Variants in PDE10A observed in about 807,000 individuals in gnomAD.
PDE10A encodes the protein cAMP and cAMP-inhibited cGMP 3',5'-cyclic phosphodiesterase 10A.
Under a neutral mutation model 97.7 loss-of-function variants are expected in PDE10A, and 39 were observed. The observed-to-expected ratio is 0.40, with a 90% confidence interval of 0.31 to 0.52. PDE10A has a LOEUF of 0.52. Among genes scored for constraint, PDE10A ranks in the 20% least tolerant of loss-of-function variants. PDE10A has a pLI of 0.56. For missense variants in PDE10A, 731 were observed against 1,047.8 expected (o/e 0.70, Z 4.17); for synonymous variants, 371 against 376.8 (o/e 0.98, Z 0.18).
chr6:165,544,566 G>A (rs1186567021), intron 1 of PDE10A, among the ~76,000 whole-genome samples: 2 of 119,936 alleles, frequency 1.7e-5, no homozygotes, highest in African/African-American at 9.0e-5. Flanking sequence ...TTTTAGGGAT[G>A]GTTAGGTTAA....
intron 1 of PDE10A, among the ~76,000 whole-genome samples, chr6:165,980,837 C>T (rs1784992726): frequency 6.6e-6 from 1 of 152,036 alleles, no homozygotes; most frequent in Non-Finnish European, 1.5e-5. Context: ...TTGTATTCAT[C>T]AAGGAAGGAA....
At chr6:165,666,102 C>T (rs759764023), upstream of PDE10A, among the ~76,000 whole-genome samples, 16 of 152,096 alleles carry the variant, frequency 1.1e-4, no homozygotes, top group Non-Finnish European at 2.1e-4. Flanking sequence ...ATAATTTAGC[C>T]ATGCACCCAT....
At chr6:165,504,476 C>T (rs953933206) in intron 2 of PDE10A, among the ~76,000 whole-genome samples, 4 of 152,150 alleles carry the variant, frequency 2.6e-5, no homozygotes, top group South Asian at 2.1e-4. Context: ...CTAAGACTCA[C>T]GATGGTTCTC....
chr6:165,505,197 A>G (rs2128297451), intron 2 of PDE10A, among the ~76,000 whole-genome samples: 1 of 152,320 alleles, frequency 6.6e-6, no homozygotes, highest in East Asian at 1.9e-4. Flanking sequence ...AAACCCAAAT[A>G]CAAGTGTTTT....
intron 1 of PDE10A, among the ~76,000 whole-genome samples, chr6:165,958,715 A>AGG (rs1784257656): frequency 2.3e-5 from 1 of 43,744 alleles, no homozygotes; most frequent in African/African-American, 1.1e-4. Flanking sequence ...AAAGAAAGAG[A>AGG]GAAGAAAGAA....
Position 165,520,151 on chromosome 6 carries a change from C to A in PDE10A, c.994+23289G>T, listed in dbSNP as rs1397700851. Among the ~76,000 whole-genome samples the A allele has an allele frequency of 2.0e-5, 3 of 152,142 alleles. No homozygotes were observed. In the East Asian group the frequency reaches 5.8e-4, roughly 29 times the overall value. ...TGCTAAGTGATAACACCATCAAGTT[C>A]CTTCTAGAAAGTAATTAAGTACTTC... On this transcript the variant is annotated intron_variant, in intron 2 of 21. Coordinates refer to ENST00000539869, the MANE Select transcript of PDE10A (RefSeq NM_001385079.1).
chr6:165,833,171 C>T (rs1874190), intron 1 of PDE10A, among the ~76,000 whole-genome samples: 104,860 of 152,154 alleles, frequency 0.69, 36,405 homozygotes, highest in Middle Eastern at 0.77. Context: ...TCTCAGGACA[C>T]TACACAATGA....
chr6:165,395,188 T>A lies in PDE10A; in HGVS notation c.2296A>T (p.Thr766Ser). 1.2e-6 allele frequency: 2 copies of A among 1,609,468 alleles called. No individual in the cohort carries two copies. Among genetic ancestry groups the A allele is most frequent in the Non-Finnish European group, 1.7e-6 (2 of 1,176,124 alleles). Residue 766 changes from threonine (T) to serine (S), a missense_variant, in exon 15 of 22, where the codon ACA (threonine) becomes TCA (serine). This residue lies in a region of PDE10A where 131 missense variants were observed against 187.4 expected (regional missense o/e 0.70). Transcript: ENST00000539869. The part of the protein sequence containing the change: ...FVYMVHRSCG[T>S]SCFELEKLCR... ...TTTTAAAGTCATTCATACCAGGATG[T>A]CCCACAGGACCGATGAACCATGTAG...
intron 1 of PDE10A, among the ~76,000 whole-genome samples, chr6:165,705,177 G>A (rs1362941906): frequency 6.6e-6 from 1 of 152,266 alleles, no homozygotes; most frequent in Non-Finnish European, 1.5e-5. Flanking sequence ...GTTTACTGGG[G>A]TTTGAATCCA....
intron 1 of PDE10A, among the ~76,000 whole-genome samples, chr6:165,712,844 G>A (rs2128446607): frequency 6.6e-6 from 1 of 152,138 alleles, no homozygotes; most frequent in African/African-American, 2.4e-5. Flanking sequence ...GCTTCACCGT[G>A]TTAGCCAGGA....
intron 17 of PDE10A, among the ~76,000 whole-genome samples, chr6:165,383,105 T>C (rs763314560): frequency 1.3e-5 from 2 of 152,158 alleles, no homozygotes; most frequent in Non-Finnish European, 2.9e-5. Flanking sequence ...TATAAATAGA[T>C]AACTTTCTGA....
intron 1 of PDE10A, among the ~76,000 whole-genome samples, chr6:165,714,553 G>A (rs1791979446): frequency 6.6e-6 from 1 of 152,226 alleles, no homozygotes; most frequent in African/African-American, 2.4e-5. Flanking sequence ...GGGCTGGGCT[G>A]GGGCAGCCAG....
chr6:165,368,071 C>T (rs1249235759), intron 18 of PDE10A, among the ~76,000 whole-genome samples: 6 of 152,214 alleles, frequency 3.9e-5, no homozygotes, highest in Non-Finnish European at 8.8e-5. Flanking sequence ...TCTTGGCTCA[C>T]TGCTACCTCT....
rs545425570 is a variant in PDE10A, at chr6:165,474,953, C to T, written c.1023+7362G>A. On this transcript the variant is annotated intron_variant, in intron 3 of 21. Coordinates refer to ENST00000539869, the MANE Select transcript of PDE10A (RefSeq NM_001385079.1). The stretch of plus-strand genomic sequence containing the variant: ...AAGTGTTTTTGGGCTACTGCTTTTT[C>T]GAGCTTCCATCAAACAACAGGAAAA... Among the ~76,000 whole-genome samples the T allele has an allele frequency of 9.5e-4, 145 of 152,166 alleles. 1 individual carries two copies. Among genetic ancestry groups the T allele is most frequent in the African/African-American group, 3.3e-3 (137 of 41,520 alleles).
intron 10 of PDE10A, among the ~76,000 whole-genome samples, chr6:165,420,594 G>A (rs950999186): frequency 5.3e-5 from 8 of 152,144 alleles, no homozygotes; most frequent in Admixed American, 1.3e-4. Context: ...TATCTGCAGT[G>A]TTTGAGGTAA....
chr6:165,623,505 AG>A (rs1244671634), intron 1 of PDE10A, among the ~76,000 whole-genome samples: 2 of 121,670 alleles, frequency 1.6e-5, no homozygotes, highest in Admixed American at 7.6e-5. Flanking sequence ...GGAGAGAGAG[AG>A]AGAAAAAAAA....
At chr6:165,486,484 G>A (rs1406648373) in intron 2 of PDE10A, among the ~76,000 whole-genome samples, 1 of 152,168 alleles carries the variant, frequency 6.6e-6, no homozygotes, top group Non-Finnish European at 1.5e-5. Flanking sequence ...TGTGCACTGT[G>A]TCATCCATAG....
At chr6:165,848,709 A>G (rs1780491332) in intron 1 of PDE10A, among the ~76,000 whole-genome samples, 1 of 152,136 alleles carries the variant, frequency 6.6e-6, no homozygotes, top group Admixed American at 6.5e-5. Flanking sequence ...CCAGGTCCTA[A>G]TTTCCAGAAC....
intron 1 of PDE10A, among the ~76,000 whole-genome samples, chr6:165,590,649 TGCGAGGCCGAG>T (rs1210362708): frequency 1.3e-5 from 2 of 152,204 alleles, no homozygotes; most frequent in Non-Finnish European, 2.9e-5. Context: ...CTCAGCCGTT[TGCGAGGCCGAG>T]GCGGGTGGAT....
Sources: gnomAD v4.1 joint callset for allele counts (sites outside exome capture counted in the v4.1 genomes callset) on GRCh38, gnomAD v4.1.1 for gene constraint, gnomAD v4.1.1 regional missense constraint, MANE v1.5 for transcripts, NCBI Gene and HGNC (gene_info 2026-07-23, HGNC 2026-07-21) for gene names.